Variants in ZRANB3 observed in about 807,000 individuals in gnomAD.
ZRANB3 encodes the protein zinc finger RANBP2-type containing 3.
Under a neutral mutation model 133.8 loss-of-function variants are expected in ZRANB3, and 125 were observed. The ratio of observed to expected loss-of-function variants is 0.93; its 90% CI spans 0.81 to 1.08. The LOEUF (loss-of-function observed/expected upper bound fraction) is 1.08. Among genes scored for constraint, ZRANB3 ranks in the 50% least tolerant of loss-of-function variants. ZRANB3 has a pLI of 0.00. For missense variants in ZRANB3, 1,229 were observed against 1,275.5 expected (o/e 0.96, Z 0.56); for synonymous variants, 387 against 432.7 (o/e 0.89, Z 1.31).
At chr2:135,318,799 AAAAT>A (rs1354553392) in intron 6 of ZRANB3, among the ~76,000 whole-genome samples, 1 of 152,204 alleles carries the variant, frequency 6.6e-6, no homozygotes, top group Non-Finnish European at 1.5e-5. Flanking sequence ...TCTTAAAAAA[AAAAT>A]ACCTTCAATA....
rs1014824169 is a variant in ZRANB3, at chr2:135,261,991, C to G, written c.1539+3543G>C. ...CCTGGGCAACAGGGTGAAACCCCGT[C>G]TTTAATAAAATACAAAAAATTAGCC... On this transcript the variant is annotated intron_variant, in intron 12 of 20. Coordinates refer to ENST00000264159, the MANE Select transcript of ZRANB3 (RefSeq NM_032143.4). Among the ~76,000 whole-genome samples the G allele has an allele frequency of 1.7e-4, 26 of 151,972 alleles. No individual in the cohort carries two copies. The East Asian group carries it at 4.8e-3, about 28-fold the overall frequency.
intron 12 of ZRANB3, among the ~76,000 whole-genome samples, chr2:135,248,013 A>C (rs1251693394): frequency 6.6e-6 from 1 of 152,176 alleles, no homozygotes; most frequent in Non-Finnish European, 1.5e-5. Context: ...CCTTTGGACC[A>C]GCAACAGGCC....
chr2:135,357,871 G>A (rs1447779666), intron 3 of ZRANB3, among the ~76,000 whole-genome samples: 1 of 152,192 alleles, frequency 6.6e-6, no homozygotes, highest in African/African-American at 2.4e-5. Flanking sequence ...GCTTTGGGTA[G>A]TAGTATCTTC....
chr2:135,352,529 A>C (rs952054196), intron 4 of ZRANB3, among the ~76,000 whole-genome samples: 3 of 152,092 alleles, frequency 2.0e-5, no homozygotes, highest in Admixed American at 6.6e-5. Flanking sequence ...ATGTAAATAG[A>C]GTCCAGATTT....
intron 3 of ZRANB3, among the ~76,000 whole-genome samples, chr2:135,360,432 C>A (rs894230002): frequency 3.3e-5 from 5 of 150,732 alleles, no homozygotes; most frequent in Non-Finnish European, 7.4e-5. Context: ...TTTGGCTGGG[C>A]ACGGTGGCTC....
intron 15 of ZRANB3, among the ~76,000 whole-genome samples, chr2:135,222,112 T>C (rs1048578606): frequency 3.9e-5 from 6 of 152,086 alleles, no homozygotes; most frequent in African/African-American, 1.4e-4. Context: ...GATTAGAAAT[T>C]TAAAATTTTA....
rs898514817 is a variant in ZRANB3 at position 135,380,211 on chromosome 2, T to C, written c.180+10591A>G. On this transcript the variant is annotated intron_variant, in intron 3 of 20. Coordinates refer to ENST00000264159, the MANE Select transcript of ZRANB3 (RefSeq NM_032143.4). ...GACTTAGACTCCCACAAAATAATAA[T>C]GGGAGACTTTTAAAACCCCACTCAC... Among the ~76,000 whole-genome samples the C allele has an allele frequency of 2.6e-5, 4 of 152,232 alleles. No homozygotes were observed. In the East Asian group the frequency reaches 5.8e-4, roughly 22 times the overall value.
intron 6 of ZRANB3, among the ~76,000 whole-genome samples, chr2:135,331,794 C>T (rs542767744): frequency 8.1e-4 from 123 of 152,184 alleles, no homozygotes; most frequent in African/African-American, 2.7e-3. Flanking sequence ...ATCCCTTTAC[C>T]ATTATAGTAA....
chr2:135,260,249 A>T lies in ZRANB3; in HGVS notation c.1539+5285T>A, dbSNP rs1210944463. On this transcript the variant is annotated intron_variant, in intron 12 of 20. Coordinates refer to ENST00000264159, the MANE Select transcript of ZRANB3 (RefSeq NM_032143.4). ...AGCCAAAATAGTACTTAGAAGTCAG[A>T]CACATTCAGATGTAGAAGAAAGGAA... Among the ~76,000 whole-genome samples, 5 of 152,204 alleles carry T rather than the reference A, an allele frequency of 3.3e-5. No individual in the cohort carries two copies. The East Asian group carries it at 9.6e-4, about 29-fold the overall frequency.
intron 2 of ZRANB3, among the ~76,000 whole-genome samples, chr2:135,403,766 G>T (rs1025757992): frequency 6.6e-6 from 1 of 152,130 alleles, no homozygotes; most frequent in Admixed American, 6.6e-5. Flanking sequence ...TCCAGAGGAA[G>T]GATCTGGCAG....
intron 12 of ZRANB3, among the ~76,000 whole-genome samples, chr2:135,238,305 G>A (rs576585042): frequency 1.3e-5 from 2 of 152,170 alleles, no homozygotes; most frequent in African/African-American, 4.8e-5. Flanking sequence ...CCATTGAGAG[G>A]TGGGATCTAT....
At chr2:135,228,620 T>C (rs917893118) in intron 13 of ZRANB3, among the ~76,000 whole-genome samples, 1 of 151,908 alleles carries the variant, frequency 6.6e-6, no homozygotes, top group Admixed American at 6.6e-5. Flanking sequence ...AAAGATAAAG[T>C]GGTTGGAATC....
intron 2 of ZRANB3, among the ~76,000 whole-genome samples, chr2:135,418,925 CTTTTTTTTT>C (rs769271961): frequency 3.5e-4 from 30 of 85,894 alleles, no homozygotes; most frequent in Middle Eastern, 0.018. Flanking sequence ...AGGATTCTCT[CTTTTTTTTT>C]TTTTTTTTTT....
intron 8 of ZRANB3, among the ~76,000 whole-genome samples, chr2:135,300,344 T>A (rs1388212489): frequency 1.3e-5 from 2 of 152,140 alleles, no homozygotes; most frequent in Non-Finnish European, 2.9e-5. Flanking sequence ...TCTTTAAATT[T>A]TTCCTTCTTA....
At chr2:135,448,538 G>A (rs1182781669) in intron 2 of ZRANB3, among the ~76,000 whole-genome samples, 1 of 152,154 alleles carries the variant, frequency 6.6e-6, no homozygotes, top group Non-Finnish European at 1.5e-5. Context: ...AGAAATAGGA[G>A]TAAAGACTTT....
chr2:135,403,274 C>T (rs925350082), intron 2 of ZRANB3, among the ~76,000 whole-genome samples: 8 of 152,156 alleles, frequency 5.3e-5, no homozygotes, highest in East Asian at 1.9e-4. Flanking sequence ...GCTTTTCTAA[C>T]GGTCTTAGCA....
chr2:135,248,499 C>T lies in ZRANB3; in HGVS notation c.1539+17035G>A, dbSNP rs187994674. 3.0e-4 allele frequency among the ~76,000 whole-genome samples: 45 copies of T among 152,264 alleles called. 1 individual carries two copies. The highest frequency in any genetic ancestry group is 1.1e-3 in the African/African-American group (45 of 41,550). On this transcript the variant is annotated intron_variant, in intron 12 of 20. Transcript: ENST00000264159. Reference sequence around the variant, plus strand: ...ACTATCAACAGGGTAAACAGACAACCTACAGAAAGGAATAAAGTATTTGCA... The same window carrying T: ...ACTATCAACAGGGTAAACAGACAACTTACAGAAAGGAATAAAGTATTTGCA...
At chr2:135,250,281 G>T (rs1355610706) in intron 12 of ZRANB3, among the ~76,000 whole-genome samples, 2 of 152,208 alleles carry the variant, frequency 1.3e-5, no homozygotes, top group Non-Finnish European at 2.9e-5. Flanking sequence ...GCATTTAAGA[G>T]GTGACTTGGG....
chr2:135,350,641 T>C (rs1477165203), intron 4 of ZRANB3, among the ~76,000 whole-genome samples: 3 of 152,198 alleles, frequency 2.0e-5, no homozygotes, highest in African/African-American at 4.8e-5. Context: ...AGCTCTGCAG[T>C]GCACTGAACA....
Sources: gnomAD v4.1 joint callset for allele counts (sites outside exome capture counted in the v4.1 genomes callset) on GRCh38, gnomAD v4.1.1 for gene constraint, MANE v1.5 for transcripts, NCBI Gene and HGNC (gene_info 2026-07-23, HGNC 2026-07-21) for gene names.